Variants in DYM observed in about 807,000 individuals in gnomAD.
The protein encoded by DYM is dyggve-Melchior-Clausen syndrome protein.
Under a neutral mutation model 93.1 loss-of-function variants are expected in DYM, and 78 were observed. That is an observed-to-expected ratio of 0.84 (90% CI 0.70 to 1.01). The LOEUF (loss-of-function observed/expected upper bound fraction) is 1.01, where lower values mean the gene tolerates loss of function less well. Ranked by LOEUF, DYM falls within the 50% of genes least tolerant of loss-of-function variation. The pLI is 0.00. For missense variants in DYM, 789 were observed against 845.0 expected (o/e 0.93, Z 0.82); for synonymous variants, 321 against 319.7 (o/e 1.00, Z -0.04).
rs780213256 is a variant in DYM, at chr18:49,257,058, G to A, written c.1412C>T (p.Ser471Leu). Residue 471 changes from serine to leucine, a missense_variant, in exon 13 of 18, where the codon TCG becomes TTG. Transcript: ENST00000675505. ...CTGATGGAGAGAACGAAACTGTGCC[G>A]ACATATTTGCTAAAGCTGCCAAACA... The part of the protein sequence containing the change: ...TNCLAALANM[S>L]AQFRSLHQYA... 15 of 1,613,810 alleles carry A rather than the reference G, an allele frequency of 9.3e-6. No homozygotes were observed. In the Admixed American group the frequency reaches 1.3e-4, roughly 14 times the overall value.
intron 14 of DYM, among the ~76,000 whole-genome samples, chr18:49,188,559 A>C (rs953679364): frequency 2.0e-5 from 3 of 152,318 alleles, no homozygotes; most frequent in Non-Finnish European, 4.4e-5. Flanking sequence ...TGAAGCTGGA[A>C]ACCATCATTC....
At chr18:49,309,741 A>T (rs529680925) in intron 8 of DYM, among the ~76,000 whole-genome samples, 1 of 152,370 alleles carries the variant, frequency 6.6e-6, no homozygotes, top group Admixed American at 6.5e-5. Context: ...ATTTCCTGCC[A>T]TTGCAGGAGA....
intron 7 of DYM, among the ~76,000 whole-genome samples, chr18:49,333,048 A>G (rs1413569191): frequency 1.3e-5 from 2 of 152,224 alleles, no homozygotes; most frequent in East Asian, 3.8e-4. Flanking sequence ...GGTAGCAAAA[A>G]GAATATGAAG....
intron 15 of DYM, among the ~76,000 whole-genome samples, chr18:49,153,872 T>C (rs540272845): frequency 2.0e-5 from 3 of 152,328 alleles, no homozygotes; most frequent in South Asian, 2.1e-4. Context: ...GATATTGGCA[T>C]AGTCTTAAAG....
At chr18:49,044,779 A>G (rs1310572924) in intron 17 of DYM, among the ~76,000 whole-genome samples, 2 of 152,230 alleles carry the variant, frequency 1.3e-5, no homozygotes, top group Non-Finnish European at 2.9e-5. Context: ...AGGCAGGAGC[A>G]ATGGCTTTGG....
In DYM at chr18:49,039,201, C is replaced by T. The variant is rs546325813; in HGVS notation, c.*4854G>A. On this transcript the variant is annotated 3_prime_UTR_variant, in exon 18 of 18. Transcript: ENST00000675505. Reference sequence around the variant, plus strand: ...GATTAGAAATTTTTAGGTTGGCAGTCATTTTCTTTCAGAACCATAAAAGGC... The same window carrying T: ...GATTAGAAATTTTTAGGTTGGCAGTTATTTTCTTTCAGAACCATAAAAGGC... 7.9e-4 allele frequency among the ~76,000 whole-genome samples: 121 copies of T among 152,274 alleles called. No individual in the cohort carries two copies. The highest frequency in any genetic ancestry group is 1.3e-3 in the Non-Finnish European group (90 of 68,016).
chr18:49,435,216 A>AG (rs2148511137), intron 1 of DYM, among the ~76,000 whole-genome samples: 1 of 151,270 alleles, frequency 6.6e-6, no homozygotes, highest in Non-Finnish European at 1.5e-5. Context: ...TCAAAAAAAA[A>AG]AAAAAAAAAA....
intron 6 of DYM, among the ~76,000 whole-genome samples, chr18:49,348,869 A>G (rs1477411699): frequency 7.1e-6 from 1 of 141,618 alleles, no homozygotes; most frequent in Non-Finnish European, 1.5e-5. Flanking sequence ...TGATCGCGCC[A>G]TTGCACTCCA....
At chr18:49,251,045 C>T (rs1478923626) in intron 13 of DYM, among the ~76,000 whole-genome samples, 1 of 152,210 alleles carries the variant, frequency 6.6e-6, no homozygotes, top group East Asian at 1.9e-4. Context: ...CACTAGATGT[C>T]AGTAGCAACC....
chr18:49,204,011 G>C (rs28370882), intron 14 of DYM, among the ~76,000 whole-genome samples: 16,086 of 151,726 alleles, frequency 0.11, 1,045 homozygotes, highest in East Asian at 0.29. Context: ...GGGCAGGGGA[G>C]TCTCTCTTTT....
chr18:49,242,353 G>C (rs1377097134), intron 13 of DYM, among the ~76,000 whole-genome samples: 1 of 152,202 alleles, frequency 6.6e-6, no homozygotes, highest in Non-Finnish European at 1.5e-5. Flanking sequence ...GGCGGAGGTT[G>C]CACTGAGTGG....
intron 1 of DYM, among the ~76,000 whole-genome samples, chr18:49,440,206 ATTCTG>A (rs978917861): frequency 3.5e-5 from 5 of 142,996 alleles, no homozygotes; most frequent in Non-Finnish European, 6.0e-5. Context: ...TGATAACCAA[ATTCTG>A]TTCTAACACC....
intron 17 of DYM, among the ~76,000 whole-genome samples, chr18:49,070,424 A>G (rs1183096198): frequency 6.6e-6 from 1 of 152,174 alleles, no homozygotes; most frequent in Admixed American, 6.5e-5. Flanking sequence ...TCAGCCCTCC[A>G]GCATCCCACC....
chr18:49,367,392 A>G (rs1409702591), intron 5 of DYM, among the ~76,000 whole-genome samples: 1 of 152,132 alleles, frequency 6.6e-6, no homozygotes, highest in African/African-American at 2.4e-5. Flanking sequence ...GGTTCTAATA[A>G]TCTATACCCA....
chr18:49,113,395 C>T (rs1481986657), intron 16 of DYM, among the ~76,000 whole-genome samples: 1 of 152,140 alleles, frequency 6.6e-6, no homozygotes, highest in Non-Finnish European at 1.5e-5. Flanking sequence ...ATCATATCAC[C>T]TTATGTTTTA....
rs567978279 is a variant in DYM at position 49,167,038 on chromosome 18, G to A, written c.1626-3251C>T. On this transcript the variant is annotated intron_variant, in intron 14 of 17. Transcript: ENST00000675505. ...TGTGTGTGTGTGTGTGTGTGTGCGC[G>A]CCTGTGTCCCCTATTAGTGCACTAT... Among the ~76,000 whole-genome samples the A allele has an allele frequency of 1.0e-4, 15 of 148,434 alleles. No individual in the cohort carries two copies. In the South Asian group the frequency reaches 1.1e-3, roughly 11 times the overall value.
At chr18:49,214,069 C>G (rs1306230663) in intron 13 of DYM, among the ~76,000 whole-genome samples, 1 of 152,150 alleles carries the variant, frequency 6.6e-6, no homozygotes, top group Non-Finnish European at 1.5e-5. Flanking sequence ...CACGGATTCC[C>G]TTACAGAAAA....
intron 2 of DYM, among the ~76,000 whole-genome samples, chr18:49,401,868 A>G (rs553951695): frequency 3.3e-5 from 5 of 152,156 alleles, no homozygotes; most frequent in South Asian, 2.1e-4. Flanking sequence ...TCTACTAAAA[A>G]TACAAAAATT....
intron 2 of DYM, 42 bp downstream of exon 2, chr18:49,430,213 T>C: frequency 2.5e-6 from 4 of 1,589,738 alleles, no homozygotes; most frequent in Non-Finnish European, 2.6e-6. Context: ...CAAGTTGATA[T>C]GGCCCTCTAT....
Sources: gnomAD v4.1 joint callset for allele counts (sites outside exome capture counted in the v4.1 genomes callset) on GRCh38, gnomAD v4.1.1 for gene constraint, MANE v1.5 for transcripts, NCBI Gene and HGNC (gene_info 2026-07-23, HGNC 2026-07-21) for gene names.